Variants in VPS50 observed in about 807,000 individuals in gnomAD.
VPS50 encodes syndetin.
A neutral mutation model predicts 139.7 loss-of-function variants in VPS50; 70 were observed. The observed-to-expected ratio is 0.50, with a 90% CI of 0.41 to 0.61. The LOEUF is 0.61. Ranked by LOEUF, VPS50 falls within the 20% of genes least tolerant of loss-of-function variation. The pLI, the probability that VPS50 is intolerant of heterozygous loss-of-function variation, is 0.00. For missense variants in VPS50, 921 were observed against 1,133.7 expected (o/e 0.81, Z 2.69); for synonymous variants, 365 against 376.7 (o/e 0.97, Z 0.36).
intron 11 of VPS50, 158 bp from the exon 12 acceptor site, chr7:93,276,007 A>G (rs1003408189): frequency 3.1e-6 from 2 of 640,492 alleles, no homozygotes; most frequent in Non-Finnish European, 5.2e-6. Context: ...TGCAAATAAT[A>G]TACCCAGTAT....
chr7:93,329,420 G>T (rs1255852962), intron 21 of VPS50, among the ~76,000 whole-genome samples: 1 of 151,696 alleles, frequency 6.6e-6, no homozygotes, highest in African/African-American at 2.4e-5. Flanking sequence ...GCGTAAAAAA[G>T]GATTAAAAGG....
chr7:93,263,486 A>C (rs950717534), intron 9 of VPS50, among the ~76,000 whole-genome samples: 1 of 152,124 alleles, frequency 6.6e-6, no homozygotes, highest in African/African-American at 2.4e-5. Flanking sequence ...CAGTATACCT[A>C]CTTGTCTACT....
intron 20 of VPS50, among the ~76,000 whole-genome samples, chr7:93,318,993 TACAC>T (rs1021838479): frequency 1.3e-5 from 2 of 152,146 alleles, no homozygotes. Flanking sequence ...GGAAAAATGA[TACAC>T]ACAAGGTACG....
chr7:93,244,251 G>T (rs1048609279), intron 2 of VPS50, among the ~76,000 whole-genome samples: 6 of 151,702 alleles, frequency 4.0e-5, no homozygotes, highest in African/African-American at 1.5e-4. Flanking sequence ...TAAATTCTAG[G>T]AATTTGAGCA....
intron 16 of VPS50, among the ~76,000 whole-genome samples, chr7:93,302,476 GTA>G (rs1245016947): frequency 6.6e-6 from 1 of 151,508 alleles, no homozygotes; most frequent in Non-Finnish European, 1.5e-5. Context: ...TTAATTGGAA[GTA>G]TATTTTTCAG....
intron 11 of VPS50, among the ~76,000 whole-genome samples, chr7:93,274,984 T>C (rs1327187227): frequency 6.6e-6 from 1 of 152,126 alleles, no homozygotes; most frequent in Non-Finnish European, 1.5e-5. Context: ...ATGATGACTT[T>C]GAGGGGTTCA....
intron 22 of VPS50, among the ~76,000 whole-genome samples, chr7:93,339,834 G>C (rs1798164901): frequency 6.6e-6 from 1 of 151,978 alleles, no homozygotes; most frequent in Non-Finnish European, 1.5e-5. Context: ...CTTTAAAAAA[G>C]ATAATAGCAT....
rs1187967036 is a variant in VPS50, at chr7:93,360,479, G to A, written c.*2043G>A. The stretch of plus-strand genomic sequence containing the variant: ...AGCTAGCATCAAAACAGTAACAGGA[G>A]GTTTGAGTCATGAAGTTACCTAATC... On this transcript the variant is annotated 3_prime_UTR_variant, in exon 28 of 28. Transcript: ENST00000305866. 6.7e-6 allele frequency: 1 copy of A among 148,726 alleles called. No homozygotes were observed. The highest frequency in any genetic ancestry group is 1.5e-5 in the Non-Finnish European group (1 of 67,522). The allele number at this position is 148,726 out of a possible 1,614,324, so 9.2% of individuals were successfully genotyped here.
intron 21 of VPS50, among the ~76,000 whole-genome samples, chr7:93,330,341 T>A (rs1797898832): frequency 6.6e-6 from 1 of 152,060 alleles, no homozygotes; most frequent in Admixed American, 6.6e-5. Flanking sequence ...AATATAACAG[T>A]AGGTGCAAAC....
intron 18 of VPS50, 58 bp downstream of exon 18, chr7:93,306,062 A>T (rs979401703): frequency 7.8e-7 from 1 of 1,276,210 alleles, no homozygotes; most frequent in African/African-American, 1.5e-5. Flanking sequence ...GTTCTACTCA[A>T]TGAACAAGGC....
In VPS50 at chr7:93,305,844, A is replaced by G; in HGVS notation, c.1469A>G (p.Glu490Gly). 6.2e-7 allele frequency: 1 copy of G among 1,612,258 alleles called. No homozygotes were observed. The highest frequency in any genetic ancestry group is 8.5e-7 in the Non-Finnish European group (1 of 1,178,606). ...AACATCTAGGAATTTAAATTCATGGAACAGTCTCGCTCCCCATCAGTTTCA... is the reference window on the plus strand; with the variant it reads ...AACATCTAGGAATTTAAATTCATGGGACAGTCTCGCTCCCCATCAGTTTCA... ...ILQLHEFKFM[E>G]QSRSPSVSPS... Residue 490 changes from glutamate to glycine, a missense_variant, in exon 18 of 28, where the codon GAA becomes GGA. Glu to Gly is a moderately conservative substitution (Grantham distance 98, BLOSUM62 -2). This residue lies in a region of VPS50 where 744 missense variants were observed against 930.6 expected (regional missense o/e 0.80). Transcript: ENST00000305866.
chr7:93,236,672 G>C (rs563678197), intron 1 of VPS50, among the ~76,000 whole-genome samples: 1 of 152,220 alleles, frequency 6.6e-6, no homozygotes, highest in East Asian at 1.9e-4. Flanking sequence ...TCATGCTTTA[G>C]AGAGATGAAG....
At chr7:93,333,519 A>G (rs1272158851) in intron 21 of VPS50, among the ~76,000 whole-genome samples, 2 of 152,172 alleles carry the variant, frequency 1.3e-5, no homozygotes, top group African/African-American at 4.8e-5. Flanking sequence ...TCACACAAGG[A>G]GCTGACTAAC....
intron 1 of VPS50, among the ~76,000 whole-genome samples, chr7:93,239,361 G>A (rs1349973716): frequency 6.6e-6 from 1 of 152,156 alleles, no homozygotes; most frequent in Middle Eastern, 3.2e-3. Flanking sequence ...AGTGAGATAT[G>A]AGACTTCAAT....
chr7:93,253,181 C>CT (rs1054928490), intron 3 of VPS50, among the ~76,000 whole-genome samples: 2 of 152,126 alleles, frequency 1.3e-5, no homozygotes, highest in Non-Finnish European at 2.9e-5. Flanking sequence ...TTTATAAGAA[C>CT]TTTAACGAAA....
At chr7:93,323,805 T>C in intron 21 of VPS50, 73 bp downstream of exon 21, 1 of 759,406 alleles carries the variant, frequency 1.3e-6, no homozygotes, top group Non-Finnish European at 1.9e-6. Flanking sequence ...TTTTTCATTC[T>C]CTCTATAGAA....
chr7:93,270,046 G>T (rs1420060253), intron 9 of VPS50, among the ~76,000 whole-genome samples: 1 of 151,502 alleles, frequency 6.6e-6, no homozygotes, highest in African/African-American at 2.4e-5. Context: ...TGTTCTCTGT[G>T]ATTGCATTTA....
intron 12 of VPS50, among the ~76,000 whole-genome samples, chr7:93,288,935 C>G (rs1796570363): frequency 6.6e-6 from 1 of 151,998 alleles, no homozygotes. Context: ...GACTGGGGGA[C>G]AGGGGCCCTA....
chr7:93,289,276 C>A (rs6465378), intron 12 of VPS50, among the ~76,000 whole-genome samples: 78,961 of 151,926 alleles, frequency 0.52, 24,589 homozygotes, highest in African/African-American at 0.88. Flanking sequence ...AGTAAAACTA[C>A]ACATGCTTTT....
Sources: allele counts gnomAD v4.1 joint callset (sites outside exome capture counted in the v4.1 genomes callset), GRCh38; gene constraint gnomAD v4.1.1; regional missense constraint gnomAD v4.1.1; transcripts MANE v1.5; gene names NCBI Gene and HGNC (gene_info 2026-07-23, HGNC 2026-07-21).